The following ILDR2 variants were observed in gnomAD, a reference collection of about 807,000 sequenced individuals.
The protein encoded by ILDR2 is immunoglobulin like domain containing receptor 2, also known as immunoglobulin-like domain-containing receptor 2.
Under a neutral mutation model 66.8 loss-of-function variants are expected in ILDR2, and 25 were observed. That is an observed-to-expected ratio of 0.37 (90% CI 0.27 to 0.52). The LOEUF is 0.52. Among genes scored for constraint, ILDR2 ranks in the 20% least tolerant of loss-of-function variants. ILDR2 has a pLI of 0.88. For synonymous variants in ILDR2, 367 were observed against 357.2 expected (o/e 1.03, Z -0.31); for missense variants, 827 against 876.8 (o/e 0.94, Z 0.72).
At chr1:166,947,511 A>G (rs115315128) in intron 3 of ILDR2, among the ~76,000 whole-genome samples, 1,553 of 152,326 alleles carry the variant, frequency 0.01, 32 homozygotes, top group African/African-American at 0.035. Flanking sequence ...CCCCCGTGTG[A>G]ACGCAAGCCT....
intron 3 of ILDR2, among the ~76,000 whole-genome samples, chr1:166,941,828 G>A (rs748839938): frequency 9.2e-5 from 14 of 152,240 alleles, no homozygotes; most frequent in South Asian, 4.1e-4. Flanking sequence ...TTAAATTCAT[G>A]ATAGAAATGT....
downstream of ILDR2, among the ~76,000 whole-genome samples, chr1:166,903,336 G>A (rs1270324309): frequency 6.6e-6 from 1 of 152,182 alleles, no homozygotes; most frequent in Non-Finnish European, 1.5e-5. Context: ...GGTCATTTGG[G>A]AGCCAGGTTC....
intron 1 of ILDR2, among the ~76,000 whole-genome samples, chr1:166,969,388 A>C (rs1663148710): frequency 6.6e-6 from 1 of 152,158 alleles, no homozygotes; most frequent in Non-Finnish European, 1.5e-5. Flanking sequence ...GTCATCCAAA[A>C]CACTTTCTTT....
At chr1:166,929,347 T>C (rs1660495401) in intron 6 of ILDR2, among the ~76,000 whole-genome samples, 1 of 152,236 alleles carries the variant, frequency 6.6e-6, no homozygotes, top group African/African-American at 2.4e-5. Flanking sequence ...TCTGTCTCTC[T>C]CTCTAACTTA....
chr1:166,898,335 G>GATCCCCACATCCATTT (rs763385415), intron 2 of ILDR2, among the ~76,000 whole-genome samples: 1 of 152,180 alleles, frequency 6.6e-6, no homozygotes, highest in Non-Finnish European at 1.5e-5. Flanking sequence ...AAAGCCCCTT[G>GATCCCCACATCCATTT]ATCCCCACAT....
chr1:166,951,180 A>G (rs1661956773), intron 3 of ILDR2, among the ~76,000 whole-genome samples: 1 of 152,188 alleles, frequency 6.6e-6, no homozygotes, highest in African/African-American at 2.4e-5. Flanking sequence ...GGCCACCCCC[A>G]ACAACAGGAC....
intron 3 of ILDR2, 147 bp from the exon 4 acceptor site, chr1:166,939,717 G>A (rs1265963096): frequency 1.1e-5 from 7 of 646,122 alleles, no homozygotes; most frequent in East Asian, 2.8e-5. Flanking sequence ...CCAAAGCTAG[G>A]CTGAGACAAG....
intron 6 of ILDR2, chr1:166,933,416 C>T (rs1234811648): frequency 4.6e-6 from 1 of 215,270 alleles, no homozygotes; most frequent in East Asian, 1.8e-4. Context: ...CTCAGGATAA[C>T]AGAAGAAAAG....
intron 1 of ILDR2, among the ~76,000 whole-genome samples, chr1:166,970,541 G>A (rs1181010228): frequency 6.6e-6 from 1 of 152,180 alleles, no homozygotes; most frequent in Non-Finnish European, 1.5e-5. Context: ...TGGTTATACA[G>A]TGATTTATGG....
intron 6 of ILDR2, among the ~76,000 whole-genome samples, chr1:166,930,476 T>A (rs1557936706): frequency 6.6e-6 from 1 of 152,186 alleles, no homozygotes. Context: ...ATCCATTTGG[T>A]TTCAGTAGCT....
Position 166,975,307 on chromosome 1 carries a change from G to C in ILDR2, c.-39C>G, listed in dbSNP as rs1663530096. The C allele has an allele frequency of 5.0e-6, 8 of 1,598,694 alleles. No homozygotes were observed. Among genetic ancestry groups the C allele is most frequent in the South Asian group, 1.1e-5 (1 of 90,770 alleles). The stretch of plus-strand genomic sequence containing the variant: ...CCAGCCGAATTACGGAGTGAGGAAA[G>C]TGGGAAATGGCTGGAACAGAAGGAT... On this transcript the variant is annotated 5_prime_UTR_variant, in exon 1 of 10. Coordinates refer to ENST00000271417, the MANE Select transcript of ILDR2 (RefSeq NM_199351.3).
intron 2 of ILDR2, among the ~76,000 whole-genome samples, chr1:166,897,586 TTGGAGATTGAGTTCAATCACA>T (rs1307719996): frequency 6.6e-6 from 1 of 152,210 alleles, no homozygotes; most frequent in Non-Finnish European, 1.5e-5. Context: ...GAGTGGGGAC[TTGGAGATTGAGTTCAATCACA>T]TGGACAATAG....
At position 166,975,295 on chromosome 1, in the gene ILDR2, G is replaced by A. The variant is rs776308997; in HGVS notation, c.-27C>T. The A allele has an allele frequency of 1.4e-5, 22 of 1,609,350 alleles. No homozygotes were observed. Among genetic ancestry groups the A allele is most frequent in the South Asian group, 8.8e-5 (8 of 90,964 alleles). ...TTCCCCAACTTCCCAGCCGAATTAC[G>A]GAGTGAGGAAAGTGGGAAATGGCTG... On this transcript the variant is annotated 5_prime_UTR_variant, in exon 1 of 10. Coordinates refer to ENST00000271417, the MANE Select transcript of ILDR2 (RefSeq NM_199351.3).
intron 1 of ILDR2, among the ~76,000 whole-genome samples, chr1:166,971,632 T>C (rs1037620806): frequency 1.3e-5 from 2 of 152,158 alleles, no homozygotes; most frequent in Non-Finnish European, 1.5e-5. Context: ...GCTAATTTTT[T>C]TGTATTTTTT....
At chr1:166,932,794 A>C (rs1034947074) in intron 6 of ILDR2, among the ~76,000 whole-genome samples, 6 of 152,246 alleles carry the variant, frequency 3.9e-5, no homozygotes, top group African/African-American at 1.4e-4. Flanking sequence ...GTAATCTGAA[A>C]AATTACTGTT....
Position 166,936,454 on chromosome 1 carries a change from G to T in ILDR2, c.703+137C>A. ...ATCCCTGAGGCCAGGGGCACCCAGC[G>T]GAGAAGAGTCTGGAATGACCAATCT... On this transcript the variant is annotated intron_variant, in intron 5 of 9. Coordinates refer to ENST00000271417, the MANE Select transcript of ILDR2 (RefSeq NM_199351.3). The surrounding 1 kb of genome is among the most constrained non-coding windows in gnomAD (Gnocchi z 5.0). 7.5e-7 allele frequency: 1 copy of T among 1,333,406 alleles called. No homozygotes were observed. The highest frequency in any genetic ancestry group is 2.5e-5 in the East Asian group (1 of 40,152). The allele number at this position is 1,333,406 out of a possible 1,614,324, so 82.6% of individuals were successfully genotyped here. A position where few individuals can be genotyped will look rare whatever the true frequency, so the allele number is the denominator to read the frequency against.
rs764995162 is a variant in ILDR2, at chr1:166,935,420, G to A, written c.761C>T (p.Pro254Leu). 3.7e-6 allele frequency: 6 copies of A among 1,613,318 alleles called. No homozygotes were observed. The highest frequency in any genetic ancestry group is 1.3e-5 in the African/African-American group (1 of 74,876). Residue 254 changes from proline (P) to leucine (L), a missense_variant, in exon 6 of 10, where the codon CCC becomes CTC. Coordinates refer to ENST00000271417, the MANE Select transcript of ILDR2 (RefSeq NM_199351.3). The part of the protein sequence containing the change: ...AGYPPSVSGV[P>L]GPYSIPSVPL... ...GACAGAGGGGATGGAGTAAGGGCCG[G>A]GGACACCGGAGACAGAGGGAGGGTA...
At chr1:166,946,488 T>TG (rs754653914) in intron 3 of ILDR2, among the ~76,000 whole-genome samples, 1 of 152,078 alleles carries the variant, frequency 6.6e-6, no homozygotes, top group Non-Finnish European at 1.5e-5. Flanking sequence ...GGTTTTTTGT[T>TG]TTTTGTTTTT....
intron 1 of ILDR2, among the ~76,000 whole-genome samples, chr1:166,968,531 T>C (rs956733164): frequency 6.6e-6 from 1 of 152,184 alleles, no homozygotes; most frequent in Non-Finnish European, 1.5e-5. Context: ...TGTTGAATAA[T>C]TTAACCCAGT....
Sources: allele counts gnomAD v4.1 joint callset (sites outside exome capture counted in the v4.1 genomes callset), GRCh38; gene constraint gnomAD v4.1.1; non-coding constraint Gnocchi (gnomAD v3.1); transcripts MANE v1.5; gene names NCBI Gene and HGNC (gene_info 2026-07-23, HGNC 2026-07-21).